PCDHA4: variants seen among roughly 807,000 people sequenced by gnomAD.
PCDHA4 encodes protocadherin alpha-4.
Under a neutral mutation model 61.4 loss-of-function variants are expected in PCDHA4, and 49 were observed. That is an observed-to-expected ratio of 0.80 (90% CI 0.63 to 1.01). PCDHA4 has a LOEUF of 1.01. PCDHA4 is among the 50% of genes least tolerant of loss of function. The pLI is 0.00. For missense variants in PCDHA4, 1,254 were observed against 1,235.8 expected, an observed-to-expected ratio of 1.01 and a Z score of -0.22; for synonymous variants, 590 against 550.3, an observed-to-expected ratio of 1.07 and a Z score of -1.01.
chr5:141,010,232 A>C lies in PCDHA4; in HGVS notation c.*295A>C. The C allele has an allele frequency of 1.3e-6, 2 of 1,551,952 alleles. No individual in the cohort carries two copies. The highest frequency in any genetic ancestry group is 1.7e-6 in the Non-Finnish European group (2 of 1,147,050). The stretch of plus-strand genomic sequence containing the variant: ...AAAGGAGAGGCTTCCCAGCCCCGCC[A>C]GTGAGAGGTTGGACTCTCTGCCCTG... On this transcript the variant is annotated 3_prime_UTR_variant, in exon 4 of 4. Coordinates refer to ENST00000530339, the MANE Select transcript of PCDHA4 (RefSeq NM_018907.4).
intron 3 of PCDHA4, among the ~76,000 whole-genome samples, chr5:141,002,612 C>G (rs1487847560): frequency 1.3e-5 from 2 of 152,178 alleles, no homozygotes; most frequent in Non-Finnish European, 2.9e-5. Context: ...AAAACAGACA[C>G]ATAACACAGA....
intron 1 of PCDHA4, chr5:140,853,500 T>C (rs2042770346): frequency 1.0e-6 from 1 of 977,532 alleles, no homozygotes; most frequent in Non-Finnish European, 1.2e-6. Flanking sequence ...GTTAGAATCA[T>C]GAAACAATAA....
chr5:140,821,079 T>C (rs1277092432), intron 1 of PCDHA4, among the ~76,000 whole-genome samples: 1 of 152,052 alleles, frequency 6.6e-6, no homozygotes, highest in Non-Finnish European at 1.5e-5. Context: ...TAGTTGTTTT[T>C]GAAAATAACA....
chr5:140,824,167 T>A, intron 1 of PCDHA4: 1 of 1,610,732 alleles, frequency 6.2e-7, no homozygotes, highest in Non-Finnish European at 8.5e-7. Context: ...TCCCTCCCAA[T>A]TTTCAAATAT....
At position 140,834,924 on chromosome 5, in the gene PCDHA4, G is replaced by C; in HGVS notation, c.2385+25352G>C. ...GAGCCCCAATGAGTATTTCTTCCTG[G>C]ACGTGCCAACCAGCAACCAGCAGGT... On this transcript the variant is annotated intron_variant, in intron 1 of 3. Coordinates refer to ENST00000530339, the MANE Select transcript of PCDHA4 (RefSeq NM_018907.4). 1.9e-6 allele frequency: 3 copies of C among 1,585,868 alleles called. No homozygotes were observed. The South Asian group carries it at 3.4e-5, about 18-fold the overall frequency.
chr5:140,926,958 C>G (rs782614627), intron 1 of PCDHA4: 3 of 1,603,116 alleles, frequency 1.9e-6, no homozygotes, highest in Admixed American at 1.7e-5. Context: ...CGGGACAGCT[C>G]GAGTACTCAG....
At chr5:140,863,429 G>A (rs781937083) in intron 1 of PCDHA4, 1 of 653,862 alleles carries the variant, frequency 1.5e-6, no homozygotes, top group East Asian at 4.5e-5. Flanking sequence ...AGCGTAGTGG[G>A]ATCTGGTCTT....
chr5:140,917,231 A>G (rs2077963769), intron 1 of PCDHA4, among the ~76,000 whole-genome samples: 1 of 151,360 alleles, frequency 6.6e-6, no homozygotes, highest in Admixed American at 6.6e-5. Context: ...TACGTTGTTA[A>G]ATCTAGGTAC....
chr5:140,841,555 T>C lies in PCDHA4; in HGVS notation c.2385+31983T>C, dbSNP rs1224364793. 2.5e-6 allele frequency: 4 copies of C among 1,613,708 alleles called. No homozygotes were observed. In the African/African-American group the frequency reaches 5.3e-5, roughly 22 times the overall value. On this transcript the variant is annotated intron_variant, in intron 1 of 3. Transcript: ENST00000530339. Reference sequence around the variant, plus strand: ...GACACCGGGACCTTCTGGAGGTAAGTCTGCAGAATGGCATTTTGTTTGTGA... The same window carrying C: ...GACACCGGGACCTTCTGGAGGTAAGCCTGCAGAATGGCATTTTGTTTGTGA...
In PCDHA4 at chr5:140,807,461, C is replaced by A. The variant is rs1554124029; in HGVS notation, c.274C>A (p.Arg92=). ...TTTGTTTGTGAATTCTCGGATCGAC[C>A]GGGAGGAGCTGTGCCGGCGGAGCGC... The part of the protein sequence containing the change: ...GILFVNSRID[R]EELCRRSAEC... Residue 92 remains arginine, a synonymous_variant, in exon 1 of 4, where the codon CGG becomes AGG. Transcript: ENST00000530339. The A allele has an allele frequency of 1.9e-6, 3 of 1,608,438 alleles. No individual in the cohort carries two copies. Among genetic ancestry groups the A allele is most frequent in the East Asian group, 2.2e-5 (1 of 44,692 alleles).
chr5:140,866,385 A>G (rs1211864168), intron 1 of PCDHA4: 3 of 152,140 alleles, frequency 2.0e-5, no homozygotes, highest in Non-Finnish European at 2.9e-5. Flanking sequence ...ACAATTTTAA[A>G]GACATAGATT....
At chr5:140,822,393 A>G in intron 1 of PCDHA4, 1 of 1,614,138 alleles carries the variant, frequency 6.2e-7, no homozygotes, top group Non-Finnish European at 8.5e-7. Flanking sequence ...AAACACAAGA[A>G]CACCGTTTAT....
chr5:140,931,088 A>G (rs1178910459), intron 1 of PCDHA4, among the ~76,000 whole-genome samples: 1 of 152,196 alleles, frequency 6.6e-6, no homozygotes, highest in African/African-American at 2.4e-5. Context: ...AGTTCTACAG[A>G]TGACAAAGGA....
intron 3 of PCDHA4, among the ~76,000 whole-genome samples, chr5:140,984,667 T>A (rs1554246463): frequency 6.6e-6 from 1 of 152,160 alleles, no homozygotes; most frequent in Non-Finnish European, 1.5e-5. Flanking sequence ...TACTTTTAGG[T>A]TTTTAGGACT....
At chr5:140,956,174 C>T (rs1353306679) in intron 1 of PCDHA4, among the ~76,000 whole-genome samples, 1 of 152,154 alleles carries the variant, frequency 6.6e-6, no homozygotes. Context: ...GCCAGAACTT[C>T]CAATACTATG....
intron 3 of PCDHA4, among the ~76,000 whole-genome samples, chr5:140,983,182 C>T (rs782457174): frequency 6.6e-6 from 1 of 152,188 alleles, no homozygotes; most frequent in Non-Finnish European, 1.5e-5. Flanking sequence ...CTCACAATTT[C>T]TTAGTTTAGA....
intron 1 of PCDHA4, chr5:140,870,137 A>C (rs1554163840): frequency 6.2e-7 from 1 of 1,613,940 alleles, no homozygotes; most frequent in Non-Finnish European, 8.5e-7. Flanking sequence ...ACCAACGATA[A>C]CTCTCCTGAA....
intron 1 of PCDHA4, among the ~76,000 whole-genome samples, chr5:140,893,780 C>T (rs966071281): frequency 4.6e-5 from 7 of 151,980 alleles, no homozygotes; most frequent in Admixed American, 6.6e-5. Context: ...TTTCTTTTAC[C>T]GTTTTTAGAA....
chr5:140,850,789 A>C, intron 1 of PCDHA4: 1 of 1,598,402 alleles, frequency 6.3e-7, no homozygotes, highest in Non-Finnish European at 8.6e-7. Flanking sequence ...GAGGGTAAGC[A>C]GAAGACCGAC....
Sources: gnomAD v4.1 joint callset for allele counts (sites outside exome capture counted in the v4.1 genomes callset) on GRCh38, gnomAD v4.1.1 for gene constraint, MANE v1.5 for transcripts, NCBI Gene and HGNC (gene_info 2026-07-23, HGNC 2026-07-21) for gene names.